Variants in EYA4 observed in about 807,000 individuals in gnomAD.
EYA4 encodes protein phosphatase EYA4.
Under a neutral mutation model 87.9 loss-of-function variants are expected in EYA4, and 31 were observed. The observed-to-expected ratio is 0.35, with a 90% CI of 0.27 to 0.48. The LOEUF (loss-of-function observed/expected upper bound fraction) is 0.48, where lower values mean the gene tolerates loss of function less well. Ranked by LOEUF, EYA4 falls within the 20% of genes least tolerant of loss-of-function variation. EYA4 has a pLI of 0.99. For synonymous variants in EYA4, 263 were observed against 270.6 expected (o/e 0.97, Z 0.28); for missense variants, 678 against 761.4 (o/e 0.89, Z 1.29).
intron 17 of EYA4, among the ~76,000 whole-genome samples, chr6:133,521,203 G>T (rs531509919): frequency 6.6e-6 from 1 of 151,882 alleles, no homozygotes; most frequent in Non-Finnish European, 1.5e-5. Context: ...GAAAATTTTC[G>T]CAACCTACTC....
At chr6:133,398,612 C>G (rs1313212907) in intron 3 of EYA4, among the ~76,000 whole-genome samples, 1 of 151,908 alleles carries the variant, frequency 6.6e-6, no homozygotes, top group Non-Finnish European at 1.5e-5. Flanking sequence ...TTTTTTATTT[C>G]AAGGACTTCT....
chr6:133,297,550 A>G (rs1027855383), intron 2 of EYA4, among the ~76,000 whole-genome samples: 1 of 152,132 alleles, frequency 6.6e-6, no homozygotes, highest in African/African-American at 2.4e-5. Context: ...CCCACTTTTA[A>G]TATCTGAAGT....
At chr6:133,257,250 G>A (rs1316348505) in intron 1 of EYA4, among the ~76,000 whole-genome samples, 7 of 152,072 alleles carry the variant, frequency 4.6e-5, no homozygotes, top group Admixed American at 3.9e-4. Flanking sequence ...AGAAACCAAT[G>A]AATACGCTAG....
intron 2 of EYA4, among the ~76,000 whole-genome samples, chr6:133,313,710 T>C (rs932778473): frequency 3.9e-5 from 6 of 152,222 alleles, no homozygotes; most frequent in Admixed American, 1.3e-4. Context: ...GTTTTCATTC[T>C]TTCATTAATA....
chr6:133,331,027 GTTTTT>G (rs71636692), intron 2 of EYA4, among the ~76,000 whole-genome samples: 4 of 113,700 alleles, frequency 3.5e-5, no homozygotes, highest in South Asian at 3.0e-4. Context: ...AACCAAACGG[GTTTTT>G]TTTTTTTTTT....
chr6:133,242,325 A>G (rs766796025), intron 1 of EYA4, among the ~76,000 whole-genome samples: 6 of 152,164 alleles, frequency 3.9e-5, no homozygotes, highest in Non-Finnish European at 8.8e-5. Flanking sequence ...GGGCTTTTCA[A>G]CTGCGGCGAT....
intron 3 of EYA4, among the ~76,000 whole-genome samples, chr6:133,426,100 C>G (rs962196800): frequency 6.6e-6 from 1 of 150,852 alleles, no homozygotes; most frequent in Admixed American, 6.6e-5. Flanking sequence ...TCTTTTATCT[C>G]CTGCATACAT....
At chr6:133,468,054 T>G (rs1035646047) in intron 10 of EYA4, among the ~76,000 whole-genome samples, 2 of 152,002 alleles carry the variant, frequency 1.3e-5, no homozygotes, top group Non-Finnish European at 2.9e-5. Flanking sequence ...CTTCTTTTAT[T>G]TACTTTTTAC....
intron 2 of EYA4, among the ~76,000 whole-genome samples, chr6:133,355,529 A>G (rs1783950653): frequency 5.3e-5 from 8 of 152,210 alleles, no homozygotes; most frequent in Admixed American, 5.2e-4. Flanking sequence ...TGTCCTTTAC[A>G]GGGACATGGA....
intron 3 of EYA4, among the ~76,000 whole-genome samples, chr6:133,402,186 T>C (rs1422271238): frequency 6.6e-6 from 1 of 151,622 alleles, no homozygotes; most frequent in Non-Finnish European, 1.5e-5. Context: ...CACACACACA[T>C]ACCCCTTCTT....
At chr6:133,447,183 T>G (rs1432053445) in intron 4 of EYA4, among the ~76,000 whole-genome samples, 2 of 152,094 alleles carry the variant, frequency 1.3e-5, no homozygotes, top group Non-Finnish European at 2.9e-5. Context: ...AAAGTGCTTT[T>G]TTAAAAAAAC....
intron 2 of EYA4, among the ~76,000 whole-genome samples, chr6:133,322,134 G>A (rs746371892): frequency 1.1e-4 from 16 of 152,238 alleles, no homozygotes; most frequent in Middle Eastern, 6.8e-3. Flanking sequence ...TAGACTTGGG[G>A]AATAACTGCT....
Position 133,413,265 on chromosome 6 carries a change from G to C in EYA4, c.83+30824G>C, listed in dbSNP as rs571365431. Among the ~76,000 whole-genome samples, 4 of 152,022 alleles carry C rather than the reference G, an allele frequency of 2.6e-5. No homozygotes were observed. The East Asian group carries it at 7.8e-4, about 29-fold the overall frequency. ...CCTTAAACTTACTATGTTTCATCTTGCCTTCATAGTTCCACATTTGAAGGT... is the reference window on the plus strand; with the variant it reads ...CCTTAAACTTACTATGTTTCATCTTCCCTTCATAGTTCCACATTTGAAGGT... On this transcript the variant is annotated intron_variant, in intron 3 of 19. Coordinates refer to ENST00000355286, the MANE Select transcript of EYA4 (RefSeq NM_004100.5).
At chr6:133,296,645 G>A (rs755339325) in intron 2 of EYA4, among the ~76,000 whole-genome samples, 16 of 152,124 alleles carry the variant, frequency 1.1e-4, no homozygotes, top group Non-Finnish European at 1.8e-4. Flanking sequence ...GAAGCTTTTC[G>A]GGAGGGAAGA....
At chr6:133,408,745 A>G (rs1248343668) in intron 3 of EYA4, among the ~76,000 whole-genome samples, 2 of 152,172 alleles carry the variant, frequency 1.3e-5, no homozygotes, top group East Asian at 3.8e-4. Context: ...GGCGCGACTA[A>G]GTACTCAGTG....
intron 2 of EYA4, among the ~76,000 whole-genome samples, chr6:133,344,323 G>T: frequency 6.6e-6 from 1 of 152,186 alleles, no homozygotes; most frequent in African/African-American, 2.4e-5. Context: ...TGTGACAAGA[G>T]ATATCTATGC....
intron 13 of EYA4, among the ~76,000 whole-genome samples, chr6:133,490,970 T>C (rs1225796392): frequency 2.6e-5 from 4 of 152,108 alleles, no homozygotes; most frequent in Non-Finnish European, 5.9e-5. Context: ...ACAATACAAG[T>C]CTTTAAAAAT....
At chr6:133,526,834 A>G (rs944312661) in intron 19 of EYA4, among the ~76,000 whole-genome samples, 1 of 152,216 alleles carries the variant, frequency 6.6e-6, no homozygotes, top group African/African-American at 2.4e-5. Flanking sequence ...AAGAGCAGCC[A>G]ATGATTAGTA....
At chr6:133,272,904 C>T (rs571435199) in intron 1 of EYA4, among the ~76,000 whole-genome samples, 13 of 151,944 alleles carry the variant, frequency 8.6e-5, no homozygotes, top group African/African-American at 2.7e-4. Context: ...AAGCCTGGCT[C>T]GCTGGCATAG....
Sources: gnomAD v4.1 joint callset for allele counts (sites outside exome capture counted in the v4.1 genomes callset) on GRCh38, gnomAD v4.1.1 for gene constraint, MANE v1.5 for transcripts, NCBI Gene and HGNC (gene_info 2026-07-23, HGNC 2026-07-21) for gene names.